Variants in MARCHF7 observed in about 807,000 individuals in gnomAD.
The protein encoded by MARCHF7 is membrane associated ring-CH-type finger 7.
In MARCHF7, 20 loss-of-function variants were observed where a neutral mutation model predicts 76.5. The observed-to-expected ratio is 0.26, with a 90% CI of 0.18 to 0.38. The LOEUF (loss-of-function observed/expected upper bound fraction) is 0.38. Ranked by LOEUF, MARCHF7 falls within the 10% of genes least tolerant of loss-of-function variation. The pLI, the probability that MARCHF7 is intolerant of heterozygous loss-of-function variation, is 1.00. For missense variants in MARCHF7, 797 were observed against 812.9 expected, an observed-to-expected ratio of 0.98 and a Z score of 0.24; for synonymous variants, 295 against 293.0, an observed-to-expected ratio of 1.01 and a Z score of -0.07.
At chr2:159,725,198 A>G (rs925975765) in intron 3 of MARCHF7, among the ~76,000 whole-genome samples, 1 of 152,224 alleles carries the variant, frequency 6.6e-6, no homozygotes, top group Non-Finnish European at 1.5e-5. Context: ...GTATATACCC[A>G]GTAATGGGAT....
At chr2:159,754,069 A>G (rs1026604612) in intron 8 of MARCHF7, among the ~76,000 whole-genome samples, 4 of 152,226 alleles carry the variant, frequency 2.6e-5, no homozygotes, top group Non-Finnish European at 5.9e-5. Context: ...GCCGTTAGCT[A>G]GACAAGCCTG....
intron 9 of MARCHF7, among the ~76,000 whole-genome samples, chr2:159,761,702 G>A (rs959932506): frequency 3.9e-5 from 6 of 152,032 alleles, no homozygotes; most frequent in Non-Finnish European, 4.4e-5. Context: ...GTGAGCCACC[G>A]CACATGGCCT....
chr2:159,756,532 C>T (rs1706318390), intron 8 of MARCHF7, among the ~76,000 whole-genome samples: 1 of 151,642 alleles, frequency 6.6e-6, no homozygotes, highest in Non-Finnish European at 1.5e-5. Context: ...ACTGAAAATA[C>T]AGAAATTAGC....
At position 159,748,440 on chromosome 2, in the gene MARCHF7, C is replaced by T. The variant is rs1455864685; in HGVS notation, c.1150C>T (p.Pro384Ser). The change falls in exon 7 of 12, where the codon CCA becomes TCA. Residue 384 changes from proline to serine, a missense_variant. Around this residue, in one of 3 missense-constraint regions of MARCHF7, gnomAD observed 643 missense variants for 631.5 expected, o/e 1.02. Coordinates refer to ENST00000409175, the MANE Select transcript of MARCHF7 (RefSeq NM_001282805.2). Reference protein sequence around the residue: ...NQESEGRNTGPWLSSSLRNRC... With the variant: ...NQESEGRNTGSWLSSSLRNRC... ...AGAATCTGAAGGTAGAAATACAGGACCATGGTTATCTTCCTCACTTAGAAA... is the reference window on the plus strand; with the variant it reads ...AGAATCTGAAGGTAGAAATACAGGATCATGGTTATCTTCCTCACTTAGAAA... 6.2e-7 allele frequency: 1 copy of T among 1,614,078 alleles called. No individual in the cohort carries two copies.
intron 8 of MARCHF7, among the ~76,000 whole-genome samples, chr2:159,757,959 C>T (rs1022673391): frequency 6.6e-6 from 1 of 152,170 alleles, no homozygotes; most frequent in Admixed American, 6.5e-5. Context: ...TAAGTTACTG[C>T]TGTCTTGGAC....
At chr2:159,713,653 T>C (rs1700597791) in intron 1 of MARCHF7, among the ~76,000 whole-genome samples, 1 of 152,232 alleles carries the variant, frequency 6.6e-6, no homozygotes, top group South Asian at 2.1e-4. Flanking sequence ...AACTAGATCT[T>C]TTACTTGAGG....
chr2:159,720,878 G>C (rs1156971430), intron 3 of MARCHF7, among the ~76,000 whole-genome samples: 1 of 152,146 alleles, frequency 6.6e-6, no homozygotes, highest in Non-Finnish European at 1.5e-5. Flanking sequence ...AACCGCTCAA[G>C]ACAGAGTCTT....
rs1039791014 is a variant in MARCHF7, at chr2:159,770,292, CAGAGCATGCTTGTGCTTGTGTAACAGCT to C, written c.*2951_*2978del. 2 of 152,174 alleles carry C rather than the reference CAGAGCATGCTTGTGCTTGTGTAACAGCT, an allele frequency of 1.3e-5. No homozygotes were observed. Among genetic ancestry groups the C allele is most frequent in the Admixed American group, 6.5e-5 (1 of 15,282 alleles). 9.4% of individuals were successfully genotyped at this position (152,174 alleles called of 1,614,324 possible). A position where few individuals can be genotyped will look rare whatever the true frequency, so the allele number is the denominator to read the frequency against. On this transcript the variant is annotated 3_prime_UTR_variant, in exon 12 of 12. Transcript: ENST00000409175. Reference sequence around the variant, plus strand: ...AAATCTCAGAAATGTAAAGCTCTTACAGAGCATGCTTGTGCTTGTGTAACAGCTGGTGTAATGCCTGCATTTTCAGTAC... The same window carrying C: ...AAATCTCAGAAATGTAAAGCTCTTACGGTGTAATGCCTGCATTTTCAGTAC...
In MARCHF7 at chr2:159,770,435, C is replaced by T. The variant is rs747278648; in HGVS notation, c.*3093C>T. The T allele has an allele frequency of 1.3e-5, 2 of 151,908 alleles. No individual in the cohort carries two copies. Among genetic ancestry groups the T allele is most frequent in the Admixed American group, 1.3e-4 (2 of 15,252 alleles). The allele number at this position is 151,908 out of a possible 1,614,324, so 9.4% of individuals were successfully genotyped here. Reference sequence around the variant, plus strand: ...TGCCATTAATTGTGATGAGTGTTTTCGATTCATGTGGTCAATAAAAAGAGA... The same window carrying T: ...TGCCATTAATTGTGATGAGTGTTTTTGATTCATGTGGTCAATAAAAAGAGA... On this transcript the variant is annotated 3_prime_UTR_variant, in exon 12 of 12. Transcript: ENST00000409175.
At position 159,769,121 on chromosome 2, in the gene MARCHF7, G is replaced by C. The variant is rs1198952223; in HGVS notation, c.*1779G>C. ...TCAGTTTTAAATTCTGAACAAAAGAGACCATACACTGCTCACTACAAGAAT... is the reference window on the plus strand; with the variant it reads ...TCAGTTTTAAATTCTGAACAAAAGACACCATACACTGCTCACTACAAGAAT... On this transcript the variant is annotated 3_prime_UTR_variant, in exon 12 of 12. Transcript: ENST00000409175. The C allele has an allele frequency of 2.6e-5, 4 of 152,146 alleles. No individual in the cohort carries two copies. The highest frequency in any genetic ancestry group is 2.6e-4 in the Admixed American group (4 of 15,270). The allele number at this position is 152,146 out of a possible 1,614,324, so 9.4% of individuals were successfully genotyped here.
At position 159,769,861 on chromosome 2, in the gene MARCHF7, T is replaced by C. The variant is rs1708078629; in HGVS notation, c.*2519T>C. On this transcript the variant is annotated 3_prime_UTR_variant, in exon 12 of 12. Coordinates refer to ENST00000409175, the MANE Select transcript of MARCHF7 (RefSeq NM_001282805.2). Reference sequence around the variant, plus strand: ...CCAATAAAACTTCCTATAATGAAAATGTTCTATAATGTATGTTGCCCAGTA... The same window carrying C: ...CCAATAAAACTTCCTATAATGAAAACGTTCTATAATGTATGTTGCCCAGTA... The C allele has an allele frequency of 6.6e-6, 1 of 152,282 alleles. No individual in the cohort carries two copies. 9.4% of individuals were successfully genotyped at this position (152,282 alleles called of 1,614,324 possible).
chr2:159,756,070 G>T (rs1041744662), intron 8 of MARCHF7, among the ~76,000 whole-genome samples: 1 of 152,136 alleles, frequency 6.6e-6, no homozygotes, highest in Admixed American at 6.5e-5. Context: ...ACTGCCCTGA[G>T]GTGTTAGAAG....
In MARCHF7 at chr2:159,748,223, T is replaced by G. The variant is rs1262999834; in HGVS notation, c.933T>G (p.Ser311=). The change falls in exon 7 of 12, where the codon TCT becomes TCG. Residue 311 remains serine (S), a synonymous_variant. Transcript: ENST00000409175. ...QDSLNTRSLN[S]ENSYVSPRIL... Reference sequence around the variant, plus strand: ...CCTTGAATACAAGATCATTGAATTCTGAAAATTCTTACGTTTCTCCAAGAA... The same window carrying G: ...CCTTGAATACAAGATCATTGAATTCGGAAAATTCTTACGTTTCTCCAAGAA... 15 of 1,613,890 alleles carry G rather than the reference T, an allele frequency of 9.3e-6. No homozygotes were observed. Among genetic ancestry groups the G allele is most frequent in the Non-Finnish European group, 1.3e-5 (15 of 1,180,004 alleles).
intron 5 of MARCHF7, among the ~76,000 whole-genome samples, 154 bp from the exon 6 acceptor site, chr2:159,745,616 A>G (rs1207310521): frequency 6.6e-6 from 1 of 152,218 alleles, no homozygotes; most frequent in Non-Finnish European, 1.5e-5. Flanking sequence ...AGATCGTGCC[A>G]CTACACTCCA....
At chr2:159,716,507 G>C (rs1701057537) in intron 3 of MARCHF7, among the ~76,000 whole-genome samples, 1 of 152,000 alleles carries the variant, frequency 6.6e-6, no homozygotes, top group South Asian at 2.1e-4. Context: ...ACAATTAGCT[G>C]GGTATGGTGG....
chr2:159,737,974 G>GT (rs370639740), intron 4 of MARCHF7, among the ~76,000 whole-genome samples: 66 of 152,310 alleles, frequency 4.3e-4, no homozygotes, highest in African/African-American at 1.4e-3. Flanking sequence ...TGCTGGGTGT[G>GT]TTCTGCCTAC....
intron 7 of MARCHF7, among the ~76,000 whole-genome samples, chr2:159,752,129 T>C (rs1367523715): frequency 6.6e-6 from 1 of 152,220 alleles, no homozygotes; most frequent in Non-Finnish European, 1.5e-5. Flanking sequence ...ATTACTTAAA[T>C]CATTTGAAAA....
At chr2:159,723,562 A>G (rs1701854572) in intron 3 of MARCHF7, among the ~76,000 whole-genome samples, 1 of 152,028 alleles carries the variant, frequency 6.6e-6, no homozygotes, top group Non-Finnish European at 1.5e-5. Flanking sequence ...TTCTTTTAGG[A>G]CTTACATACT....
At chr2:159,762,357 T>C (rs1489971847) in intron 9 of MARCHF7, among the ~76,000 whole-genome samples, 1 of 152,210 alleles carries the variant, frequency 6.6e-6, no homozygotes, top group Non-Finnish European at 1.5e-5. Flanking sequence ...AACAGAACAG[T>C]TTTGAATTGA....
Sources: gnomAD v4.1 joint callset for allele counts (sites outside exome capture counted in the v4.1 genomes callset) on GRCh38, gnomAD v4.1.1 for gene constraint, gnomAD v4.1.1 regional missense constraint, MANE v1.5 for transcripts, NCBI Gene and HGNC (gene_info 2026-07-23, HGNC 2026-07-21) for gene names.